The following SNRK variants were observed in gnomAD, a reference collection of about 807,000 sequenced individuals.
SNRK encodes SNF-related serine/threonine-protein kinase.
SNRK carries 3 observed loss-of-function variants against 48.2 expected under a neutral mutation model. The observed-to-expected ratio is 0.06, with a 90% CI of 0.03 to 0.16. SNRK has a LOEUF of 0.16. Ranked by LOEUF, SNRK falls within the 10% of genes least tolerant of loss-of-function variation. SNRK has a pLI of 1.00. For missense variants in SNRK, 627 were observed against 976.0 expected (o/e 0.64, Z 4.76); for synonymous variants, 376 against 366.1 (o/e 1.03, Z -0.31).
At chr3:43,296,728 ATGATGT>A (rs1251666360) in intron 1 of SNRK, among the ~76,000 whole-genome samples, 1 of 152,144 alleles carries the variant, frequency 6.6e-6, no homozygotes, top group East Asian at 1.9e-4. Context: ...TGCAATGGTG[ATGATGT>A]TGATGAAAAC....
rs1031081411 is a variant in SNRK, at chr3:43,347,284, A to G, written c.1080-55A>G. On this transcript the variant is annotated intron_variant, in intron 6 of 6. Transcript: ENST00000296088. The surrounding 1 kb of genome is among the most constrained non-coding windows in gnomAD (Gnocchi z 5.4). ...TAAGTTCATTGTGATGTACTTTACT[A>G]TCATCTGCATAATGATTATATGGCT... 8 of 1,492,444 alleles carry G rather than the reference A, an allele frequency of 5.4e-6. No individual in the cohort carries two copies. Among genetic ancestry groups the G allele is most frequent in the African/African-American group, 4.2e-5 (3 of 71,234 alleles). 92.5% of individuals were successfully genotyped at this position (1,492,444 alleles called of 1,614,324 possible). A position where few individuals can be genotyped will look rare whatever the true frequency, so the allele number is the denominator to read the frequency against.
chr3:43,329,141 T>A (rs935109637), intron 3 of SNRK, among the ~76,000 whole-genome samples: 2 of 152,160 alleles, frequency 1.3e-5, no homozygotes, highest in African/African-American at 4.8e-5. Flanking sequence ...GCCCTTGGGA[T>A]GAAAAAGTAA....
At chr3:43,302,028 A>G (rs1051147040) in intron 2 of SNRK, among the ~76,000 whole-genome samples, 1 of 152,226 alleles carries the variant, frequency 6.6e-6, no homozygotes, top group Admixed American at 6.5e-5. Context: ...GTGGTTCTTA[A>G]AAACCAAATG....
At chr3:43,324,679 G>T (rs1161789187) in intron 3 of SNRK, among the ~76,000 whole-genome samples, 4 of 152,078 alleles carry the variant, frequency 2.6e-5, no homozygotes, top group Admixed American at 6.5e-5. Context: ...ATCCTACATG[G>T]AACCAACCAG....
At chr3:43,336,159 A>ATTCCT (rs944563248) in intron 4 of SNRK, among the ~76,000 whole-genome samples, 1 of 139,506 alleles carries the variant, frequency 7.2e-6, no homozygotes. Context: ...TTGATGGAGG[A>ATTCCT]TTCCTTTCCT....
At chr3:43,317,018 GT>G (rs2125629540) in intron 3 of SNRK, among the ~76,000 whole-genome samples, 1 of 152,178 alleles carries the variant, frequency 6.6e-6, no homozygotes, top group South Asian at 2.1e-4. Context: ...TCGTTTGTTT[GT>G]TTGTTTTAAA....
At chr3:43,341,155 T>G (rs935506879) in intron 5 of SNRK, among the ~76,000 whole-genome samples, 3 of 151,750 alleles carry the variant, frequency 2.0e-5, no homozygotes, top group Admixed American at 6.6e-5. Flanking sequence ...TTTTTGTTTT[T>G]GTTTTTTTTT....
intron 4 of SNRK, chr3:43,333,061 T>G (rs1271995853): frequency 6.6e-6 from 1 of 152,152 alleles, no homozygotes; most frequent in Non-Finnish European, 1.5e-5. Flanking sequence ...GAAGGAAATC[T>G]GATTGCCCAA....
intron 2 of SNRK, among the ~76,000 whole-genome samples, chr3:43,300,426 A>G (rs964174030): frequency 2.6e-5 from 4 of 152,184 alleles, no homozygotes; most frequent in Admixed American, 2.6e-4. Flanking sequence ...GAACACATCT[A>G]AACTAAAATG....
intron 1 of SNRK, among the ~76,000 whole-genome samples, chr3:43,295,686 A>G (rs921014334): frequency 1.3e-5 from 2 of 152,176 alleles, no homozygotes; most frequent in Admixed American, 1.3e-4. Flanking sequence ...TTTATAGCTT[A>G]TATTAATAAC....
At chr3:43,300,234 TC>T (rs1327102288) in intron 2 of SNRK, among the ~76,000 whole-genome samples, 2 of 152,172 alleles carry the variant, frequency 1.3e-5, no homozygotes, top group Admixed American at 6.5e-5. Context: ...AGATTAAAAA[TC>T]ATTTCACTGT....
chr3:43,304,432 G>A (rs931140950), intron 3 of SNRK, among the ~76,000 whole-genome samples: 5 of 152,080 alleles, frequency 3.3e-5, no homozygotes, highest in Non-Finnish European at 7.4e-5. Flanking sequence ...TGGAATTGTG[G>A]TACCTTTGGC....
At chr3:43,340,770 A>G (rs1041634433) in intron 5 of SNRK, 1 of 443,254 alleles carries the variant, frequency 2.3e-6, no homozygotes, top group Admixed American at 3.7e-5. Flanking sequence ...GGTGGAATGA[A>G]ACAGCTTGTT....
chr3:43,299,366 C>T (rs543709012), intron 1 of SNRK, among the ~76,000 whole-genome samples: 11 of 152,188 alleles, frequency 7.2e-5, no homozygotes, highest in African/African-American at 2.6e-4. Flanking sequence ...TTAGTAGAGA[C>T]GGGGTTTCAC....
chr3:43,338,997 C>T (rs1406823025), intron 4 of SNRK, among the ~76,000 whole-genome samples: 1 of 152,080 alleles, frequency 6.6e-6, no homozygotes, highest in South Asian at 2.1e-4. Context: ...GCTTGTGTTT[C>T]CTAGGTCTTG....
At chr3:43,318,086 G>A (rs1487948259) in intron 3 of SNRK, among the ~76,000 whole-genome samples, 1 of 152,120 alleles carries the variant, frequency 6.6e-6, no homozygotes, top group Non-Finnish European at 1.5e-5. Flanking sequence ...TTAGATCCTG[G>A]CCTTATTTTC....
intron 1 of SNRK, among the ~76,000 whole-genome samples, chr3:43,297,622 A>G (rs1401462176): frequency 6.6e-6 from 1 of 151,798 alleles, no homozygotes; most frequent in Admixed American, 6.6e-5. Context: ...GTATGTTCTA[A>G]TTGTAGTTTT....
intron 6 of SNRK, among the ~76,000 whole-genome samples, chr3:43,343,835 C>T (rs1388370254): frequency 6.6e-6 from 1 of 152,126 alleles, no homozygotes; most frequent in East Asian, 1.9e-4. Flanking sequence ...GTTTTTCATT[C>T]TAGGAACAAG....
chr3:43,298,039 G>A (rs1447309838), intron 1 of SNRK, among the ~76,000 whole-genome samples: 1 of 152,126 alleles, frequency 6.6e-6, no homozygotes, highest in Non-Finnish European at 1.5e-5. Context: ...AACAATGATG[G>A]TGGTGGTGGT....
Sources: gnomAD v4.1 joint callset for allele counts (sites outside exome capture counted in the v4.1 genomes callset) on GRCh38, gnomAD v4.1.1 for gene constraint, Gnocchi (gnomAD v3.1) non-coding constraint, MANE v1.5 for transcripts, NCBI Gene and HGNC (gene_info 2026-07-23, HGNC 2026-07-21) for gene names.